Variants in USO1 observed in about 807,000 individuals in gnomAD.
USO1 encodes the protein USO1 vesicle transport factor.
Under a neutral mutation model 124.5 loss-of-function variants are expected in USO1, and 57 were observed. The ratio of observed to expected loss-of-function variants is 0.46; its 90% CI spans 0.37 to 0.57. The LOEUF (loss-of-function observed/expected upper bound fraction) is 0.57, where lower values mean the gene tolerates loss of function less well. USO1 is among the 20% of genes least tolerant of loss of function. The probability of loss-of-function intolerance (pLI) is 0.00; values close to 1 mark genes in which losing one functional copy is unlikely to be tolerated. For synonymous variants in USO1, 369 were observed against 362.8 expected, an observed-to-expected ratio of 1.02 and a Z score of -0.19; for missense variants, 900 against 1,040.6, an observed-to-expected ratio of 0.86 and a Z score of 1.86.
intron 2 of USO1, 33 bp from the exon 3 acceptor site, chr4:75,752,507 T>C (rs925492257): frequency 7.5e-6 from 3 of 398,362 alleles, no homozygotes; most frequent in East Asian, 7.1e-5. Context: ...GGATATTAGT[T>C]ACTTTAGTAA....
At chr4:75,746,240 G>A (rs1368248817) in intron 1 of USO1, among the ~76,000 whole-genome samples, 3 of 152,170 alleles carry the variant, frequency 2.0e-5, no homozygotes, top group Admixed American at 6.5e-5. Flanking sequence ...CTTTAGGGAC[G>A]TGAACTTAAA....
At chr4:75,747,640 C>T (rs1229888245) in intron 1 of USO1, among the ~76,000 whole-genome samples, 18 of 128,894 alleles carry the variant, frequency 1.4e-4, no homozygotes, top group Admixed American at 5.5e-4. Flanking sequence ...GATGGAGTCT[C>T]GCTCTGTGGC....
intron 1 of USO1, among the ~76,000 whole-genome samples, chr4:75,745,168 T>A (rs1164298322): frequency 3.9e-5 from 6 of 152,214 alleles, no homozygotes; most frequent in African/African-American, 1.2e-4. Flanking sequence ...TCAGCTAGTT[T>A]AATTCTTAAA....
chr4:75,753,593 C>T (rs1275003780), intron 3 of USO1, among the ~76,000 whole-genome samples: 1 of 150,372 alleles, frequency 6.7e-6, no homozygotes, highest in Non-Finnish European at 1.5e-5. Context: ...TGTCACATAC[C>T]TGTGGTCCCA....
chr4:75,731,444 C>A (rs561500131), intron 1 of USO1, among the ~76,000 whole-genome samples: 29 of 152,208 alleles, frequency 1.9e-4, no homozygotes, highest in African/African-American at 5.8e-4. Context: ...TGCCTGTAAT[C>A]CCAGCTACTA....
intron 1 of USO1, among the ~76,000 whole-genome samples, chr4:75,740,372 C>CA (rs1409387910): frequency 2.6e-5 from 4 of 152,198 alleles, no homozygotes; most frequent in Admixed American, 1.3e-4. Flanking sequence ...ACTGCAGTCT[C>CA]AAACTACTGG....
In USO1 at chr4:75,787,082, T is replaced by C. The variant is rs751667822; in HGVS notation, c.876T>C (p.Ser292=). 1.3e-6 allele frequency: 2 copies of C among 1,585,858 alleles called. No homozygotes were observed. The highest frequency in any genetic ancestry group is 1.7e-6 in the Non-Finnish European group (2 of 1,171,430). Residue 292 remains serine, a synonymous_variant, in exon 10 of 24, where the codon TCT becomes TCC. Coordinates refer to ENST00000514213, the MANE Select transcript of USO1 (RefSeq NM_003715.4). ...LMLQLVRVLV[S]PTNPPGATSS... Reference sequence around the variant, plus strand: ...CACAGCTTGTTCGTGTATTGGTATCTCCCACCAACCCTCCTGGTGCTACCA... The same window carrying C: ...CACAGCTTGTTCGTGTATTGGTATCCCCCACCAACCCTCCTGGTGCTACCA...
chr4:75,741,184 A>G (rs553471132), intron 1 of USO1, among the ~76,000 whole-genome samples: 109 of 152,214 alleles, frequency 7.2e-4, no homozygotes, highest in Non-Finnish European at 1.2e-3. Flanking sequence ...ACTGTAGGCA[A>G]TTATAACAAT....
intron 9 of USO1, among the ~76,000 whole-genome samples, chr4:75,784,289 C>T (rs1245150225): frequency 2.0e-5 from 3 of 152,132 alleles, no homozygotes; most frequent in African/African-American, 4.8e-5. Context: ...CAAAGTGCTG[C>T]TGTTATAGGT....
intron 10 of USO1, among the ~76,000 whole-genome samples, chr4:75,789,567 G>T (rs533599747): frequency 6.6e-6 from 1 of 152,086 alleles, no homozygotes; most frequent in Non-Finnish European, 1.5e-5. Context: ...GAGTCACCAC[G>T]CCTGGCCTCT....
intron 4 of USO1, among the ~76,000 whole-genome samples, chr4:75,766,039 G>A (rs568437753): frequency 3.3e-5 from 5 of 152,194 alleles, no homozygotes; most frequent in East Asian, 3.9e-4. Flanking sequence ...ACTGCTTCCC[G>A]ATATAATTCT....
At chr4:75,798,783 G>A (rs1027993967) in intron 13 of USO1, among the ~76,000 whole-genome samples, 8 of 151,780 alleles carry the variant, frequency 5.3e-5, no homozygotes, top group African/African-American at 1.7e-4. Context: ...CCAAAGTGAT[G>A]CATTACTATT....
At chr4:75,806,338 A>G (rs1722995377) in intron 19 of USO1, 148 bp from the exon 20 acceptor site, 1 of 1,023,600 alleles carries the variant, frequency 9.8e-7, no homozygotes, top group African/African-American at 1.7e-5. Flanking sequence ...GCTGTGTTGG[A>G]ATTTTATCTT....
rs561975041 is a variant in USO1, at chr4:75,810,211, C to T, written c.2476-221C>T. Among the ~76,000 whole-genome samples the T allele has an allele frequency of 1.3e-4, 20 of 152,312 alleles. No individual in the cohort carries two copies. In the South Asian group the frequency reaches 3.3e-3, roughly 25 times the overall value. On this transcript the variant is annotated intron_variant, in intron 21 of 23. Coordinates refer to ENST00000514213, the MANE Select transcript of USO1 (RefSeq NM_003715.4). ...GCTTACCTACCTTGAGGCACCTTAGCCCAGCCTTCCTCGTACTCTTATGAG... is the reference window on the plus strand; with the variant it reads ...GCTTACCTACCTTGAGGCACCTTAGTCCAGCCTTCCTCGTACTCTTATGAG...
chr4:75,731,488 C>G (rs10009902), intron 1 of USO1, among the ~76,000 whole-genome samples: 136,924 of 152,000 alleles, frequency 0.9, 61,799 homozygotes, highest in African/African-American at 0.97. Context: ...CTTGAACCCA[C>G]GAGGTGGAGG....
At chr4:75,803,662 AAG>A (rs1722916851) in intron 17 of USO1, among the ~76,000 whole-genome samples, 4 of 151,834 alleles carry the variant, frequency 2.6e-5, no homozygotes, top group African/African-American at 7.2e-5. Flanking sequence ...AAAAAAAAAA[AAG>A]AAAAAAAATA....
intron 1 of USO1, among the ~76,000 whole-genome samples, chr4:75,733,139 G>T (rs1019154156): frequency 1.3e-5 from 2 of 150,258 alleles, no homozygotes; most frequent in African/African-American, 2.4e-5. Context: ...GGCACCTGTA[G>T]TCCCAGCTAC....
chr4:75,747,857 C>T (rs1311074184), intron 1 of USO1, among the ~76,000 whole-genome samples: 10 of 149,894 alleles, frequency 6.7e-5, no homozygotes, highest in Non-Finnish European at 1.3e-4. Context: ...CCTCCTGATC[C>T]GCCCACCTCG....
At chr4:75,745,361 G>T (rs376064383) in intron 1 of USO1, 6 of 519,920 alleles carry the variant, frequency 1.2e-5, no homozygotes, top group Non-Finnish European at 2.3e-5. Context: ...AGACAGTTGT[G>T]CAAGTGGAGC....
Sources: gnomAD v4.1 joint callset for allele counts (sites outside exome capture counted in the v4.1 genomes callset) on GRCh38, gnomAD v4.1.1 for gene constraint, MANE v1.5 for transcripts, NCBI Gene and HGNC (gene_info 2026-07-23, HGNC 2026-07-21) for gene names.